Variants in MAML2 observed in about 807,000 individuals in gnomAD.
MAML2 encodes the protein mastermind like transcriptional coactivator 2.
In MAML2, 22 loss-of-function variants were observed where a neutral mutation model predicts 96.1. The observed-to-expected ratio is 0.23, with a 90% CI of 0.16 to 0.33. The LOEUF (loss-of-function observed/expected upper bound fraction) is 0.33. Ranked by LOEUF, MAML2 falls within the 10% of genes least tolerant of loss-of-function variation. The pLI is 1.00. For missense variants in MAML2, 1,367 were observed against 1,392.4 expected (o/e 0.98, Z 0.29); for synonymous variants, 561 against 521.3 (o/e 1.08, Z -1.04).
intron 1 of MAML2, among the ~76,000 whole-genome samples, chr11:96,109,959 G>T (rs1024701287): frequency 1.3e-5 from 2 of 152,076 alleles, no homozygotes; most frequent in African/African-American, 4.8e-5. Flanking sequence ...ATGAAACTCT[G>T]GGGAACATCA....
At chr11:96,283,322 G>A (rs549628846) in intron 1 of MAML2, among the ~76,000 whole-genome samples, 2 of 152,234 alleles carry the variant, frequency 1.3e-5, no homozygotes, top group South Asian at 2.1e-4. Flanking sequence ...TTAAGTAAGG[G>A]CACTCACTCT....
At chr11:96,007,596 C>A (rs949355034) in intron 2 of MAML2, among the ~76,000 whole-genome samples, 1 of 151,680 alleles carries the variant, frequency 6.6e-6, no homozygotes, top group Non-Finnish European at 1.5e-5. Flanking sequence ...CTGTTTTATT[C>A]AATTATGCAC....
At chr11:96,285,466 T>A (rs1367062965) in intron 1 of MAML2, among the ~76,000 whole-genome samples, 8 of 152,034 alleles carry the variant, frequency 5.3e-5, no homozygotes, top group Non-Finnish European at 1.0e-4. Flanking sequence ...AAGCAAAAAT[T>A]GACAAATGGG....
intron 1 of MAML2, among the ~76,000 whole-genome samples, chr11:96,221,650 G>A (rs1428514251): frequency 6.7e-6 from 1 of 148,396 alleles, no homozygotes; most frequent in Non-Finnish European, 1.5e-5. Flanking sequence ...CTTTGCTTCT[G>A]CACAGTATAG....
At chr11:96,282,568 T>A (rs181049892) in intron 1 of MAML2, among the ~76,000 whole-genome samples, 1 of 152,310 alleles carries the variant, frequency 6.6e-6, no homozygotes, top group Non-Finnish European at 1.5e-5. Flanking sequence ...TATCTCTCCA[T>A]CTTACTGTTA....
At chr11:96,077,809 G>A (rs867404193) in intron 2 of MAML2, among the ~76,000 whole-genome samples, 37 of 152,244 alleles carry the variant, frequency 2.4e-4, no homozygotes, top group Middle Eastern at 3.4e-3. Flanking sequence ...TCTTTTTATA[G>A]GCTATAGAAA....
At chr11:96,233,477 A>G (rs1367489480) in intron 1 of MAML2, among the ~76,000 whole-genome samples, 1 of 151,578 alleles carries the variant, frequency 6.6e-6, no homozygotes, top group Admixed American at 6.6e-5. Context: ...GTGCAATCAT[A>G]GCTTACTGCA....
chr11:96,125,785 G>C (rs1860428775), intron 1 of MAML2, among the ~76,000 whole-genome samples: 1 of 152,172 alleles, frequency 6.6e-6, no homozygotes, highest in South Asian at 2.1e-4. Flanking sequence ...AATCCAGAAA[G>C]GCTTTTTTTG....
At chr11:96,022,648 G>A (rs1277313750) in intron 2 of MAML2, among the ~76,000 whole-genome samples, 1 of 152,226 alleles carries the variant, frequency 6.6e-6, no homozygotes, top group Non-Finnish European at 1.5e-5. Context: ...GGGTTTGAGT[G>A]CTGGCTCTGC....
intron 1 of MAML2, among the ~76,000 whole-genome samples, chr11:96,211,231 A>G (rs1861966325): frequency 6.6e-6 from 1 of 152,216 alleles, no homozygotes; most frequent in South Asian, 2.1e-4. Flanking sequence ...TATCAACACC[A>G]TTTATGAAGA....
At chr11:96,294,244 TACA>T (rs1054398027) in intron 1 of MAML2, among the ~76,000 whole-genome samples, 1 of 151,998 alleles carries the variant, frequency 6.6e-6, no homozygotes, top group Non-Finnish European at 1.5e-5. Context: ...AGAAACACAT[TACA>T]AACAGCTGGG....
chr11:96,066,935 C>T (rs544229785), intron 2 of MAML2, among the ~76,000 whole-genome samples: 11 of 152,224 alleles, frequency 7.2e-5, no homozygotes, highest in Admixed American at 2.6e-4. Context: ...AAGGCAGGAG[C>T]GGCTGGAGGA....
At chr11:96,164,098 A>C (rs1861156155) in intron 1 of MAML2, among the ~76,000 whole-genome samples, 1 of 151,512 alleles carries the variant, frequency 6.6e-6, no homozygotes, top group Non-Finnish European at 1.5e-5. Flanking sequence ...CTGGTCTCGA[A>C]CTCCTGACCT....
At chr11:96,270,332 T>C (rs1435474892) in intron 1 of MAML2, among the ~76,000 whole-genome samples, 1 of 152,190 alleles carries the variant, frequency 6.6e-6, no homozygotes, top group African/African-American at 2.4e-5. Flanking sequence ...TTCTTTGAGA[T>C]GGAGTCTTGC....
chr11:96,032,718 GA>G (rs1858638235), intron 2 of MAML2, among the ~76,000 whole-genome samples: 1 of 151,526 alleles, frequency 6.6e-6, no homozygotes, highest in African/African-American at 2.4e-5. Context: ...GCACTAAAAA[GA>G]ATTGAATTAC....
intron 1 of MAML2, among the ~76,000 whole-genome samples, chr11:96,333,542 A>G (rs1424280915): frequency 6.6e-6 from 1 of 152,226 alleles, no homozygotes; most frequent in Non-Finnish European, 1.5e-5. Flanking sequence ...ACCCTTGGCA[A>G]CATCTTCCTC....
In MAML2 at chr11:96,269,392, A is replaced by C. The variant is rs148512973; in HGVS notation, c.513+71991T>G. On this transcript the variant is annotated intron_variant, in intron 1 of 4. Coordinates refer to ENST00000524717, the MANE Select transcript of MAML2 (RefSeq NM_032427.4). Reference sequence around the variant, plus strand: ...GTTATGTTCCTGAGAAGGTATTAACATGGTTGTTACTGAAGGGACCAAGGC... The same window carrying C: ...GTTATGTTCCTGAGAAGGTATTAACCTGGTTGTTACTGAAGGGACCAAGGC... Among the ~76,000 whole-genome samples the C allele has an allele frequency of 8.1e-4, 118 of 145,198 alleles. 13 individuals are homozygous for C. The East Asian group carries it at 0.023, about 28-fold the overall frequency.
At chr11:96,104,571 G>T (rs1859991220) in intron 1 of MAML2, among the ~76,000 whole-genome samples, 1 of 152,204 alleles carries the variant, frequency 6.6e-6, no homozygotes, top group Non-Finnish European at 1.5e-5. Flanking sequence ...GATCAAAGTA[G>T]ACAGTTGACT....
chr11:96,118,051 T>C (rs751251853), intron 1 of MAML2, among the ~76,000 whole-genome samples: 1 of 152,218 alleles, frequency 6.6e-6, no homozygotes, highest in South Asian at 2.1e-4. Context: ...GCTTGGGTCA[T>C]GGCAGATGCA....
Sources: gnomAD v4.1 joint callset for allele counts (sites outside exome capture counted in the v4.1 genomes callset) on GRCh38, gnomAD v4.1.1 for gene constraint, MANE v1.5 for transcripts, NCBI Gene and HGNC (gene_info 2026-07-23, HGNC 2026-07-21) for gene names.